Variants in VPS13B observed in about 807,000 individuals in gnomAD.
The protein encoded by VPS13B is intermembrane lipid transfer protein VPS13B.
VPS13B carries 285 observed loss-of-function variants against 426.4 expected under a neutral mutation model. The ratio of observed to expected loss-of-function variants is 0.67; its 90% CI spans 0.61 to 0.74. The LOEUF is 0.74. VPS13B is among the 30% of genes least tolerant of loss of function. The pLI, the probability that VPS13B is intolerant of heterozygous loss-of-function variation, is 0.00. For synonymous variants in VPS13B, 1,676 were observed against 1,676.4 expected (o/e 1.00, Z 0.01); for missense variants, 4,537 against 4,782.6 (o/e 0.95, Z 1.51).
chr8:99,377,919 G>A (rs1813577231), intron 19 of VPS13B, among the ~76,000 whole-genome samples: 1 of 152,192 alleles, frequency 6.6e-6, no homozygotes, highest in African/African-American at 2.4e-5. Context: ...GGTGAAACTA[G>A]AATTACTAAT....
chr8:99,651,412 A>C (rs1035216630), intron 34 of VPS13B, among the ~76,000 whole-genome samples: 3 of 152,236 alleles, frequency 2.0e-5, no homozygotes, highest in Admixed American at 1.3e-4. Context: ...TTTTTAATGA[A>C]TATTAATATT....
intron 19 of VPS13B, among the ~76,000 whole-genome samples, chr8:99,344,663 C>T (rs1811438555): frequency 6.6e-6 from 1 of 152,060 alleles, no homozygotes; most frequent in African/African-American, 2.4e-5. Context: ...TTTTGCCCTT[C>T]CCTGGTTATT....
chr8:99,013,400 A>G, intron 1 of VPS13B, 53 bp downstream of exon 1: 1 of 328,574 alleles, frequency 3.0e-6, no homozygotes, highest in East Asian at 8.0e-5. Flanking sequence ...GAGGTCTTCT[A>G]GCTTTGGTTC....
At chr8:99,727,456 AG>A (rs1294253666) in intron 39 of VPS13B, among the ~76,000 whole-genome samples, 1 of 152,200 alleles carries the variant, frequency 6.6e-6, no homozygotes, top group Non-Finnish European at 1.5e-5. Context: ...CAAAAGAAAG[AG>A]GTTTATTGGA....
intron 27 of VPS13B, among the ~76,000 whole-genome samples, chr8:99,504,872 T>A (rs1036016099): frequency 6.6e-6 from 1 of 152,208 alleles, no homozygotes; most frequent in Non-Finnish European, 1.5e-5. Context: ...TGAGATGGCA[T>A]CTTCTTCCAA....
intron 17 of VPS13B, among the ~76,000 whole-genome samples, chr8:99,270,131 C>CTTGTTTTTTTTTT (rs1818502967): frequency 3.3e-5 from 1 of 30,312 alleles, no homozygotes; most frequent in African/African-American, 1.1e-4. Context: ...ATATAAGAAT[C>CTTGTTTTTTTTTT]TTTTTTTTTT....
At chr8:99,167,315 C>A (rs1199321830) in intron 15 of VPS13B, among the ~76,000 whole-genome samples, 1 of 151,778 alleles carries the variant, frequency 6.6e-6, no homozygotes, top group East Asian at 1.9e-4. Context: ...GCATACATAC[C>A]AACTTTTAAA....
chr8:99,391,786 C>T (rs1814462160), intron 21 of VPS13B, 82 bp downstream of exon 21: 1 of 1,529,144 alleles, frequency 6.5e-7, no homozygotes. Context: ...TTCATGGATG[C>T]TGGCCAAAGA....
intron 39 of VPS13B, among the ~76,000 whole-genome samples, chr8:99,752,348 A>G (rs1810437818): frequency 6.6e-6 from 1 of 152,216 alleles, no homozygotes; most frequent in South Asian, 2.1e-4. Flanking sequence ...TTTTCATCTA[A>G]TCAAGGGATC....
At chr8:99,322,506 A>G (rs1027820665) in intron 19 of VPS13B, among the ~76,000 whole-genome samples, 9 of 152,322 alleles carry the variant, frequency 5.9e-5, no homozygotes, top group Middle Eastern at 3.4e-3. Flanking sequence ...AGAATAAGGG[A>G]GGAAAATAAA....
chr8:99,048,533 G>A (rs910877564), intron 3 of VPS13B, among the ~76,000 whole-genome samples: 1 of 152,058 alleles, frequency 6.6e-6, no homozygotes, highest in Non-Finnish European at 1.5e-5. Context: ...GGGAGCTCTA[G>A]GCTGGGTGAG....
At position 99,727,487 on chromosome 8, in the gene VPS13B, G is replaced by A. The variant is rs181382488; in HGVS notation, c.7050+6440G>A. ...ATTGGACTTACAGTTCCACATGGCTGGGGAGGCCTCAATATCATGGCAGAA... is the reference window on the plus strand; with the variant it reads ...ATTGGACTTACAGTTCCACATGGCTAGGGAGGCCTCAATATCATGGCAGAA... On this transcript the variant is annotated intron_variant, in intron 39 of 61. Transcript: ENST00000357162. Among the ~76,000 whole-genome samples, 7 of 152,310 alleles carry A rather than the reference G, an allele frequency of 4.6e-5. No individual in the cohort carries two copies. The East Asian group carries it at 7.7e-4, about 17-fold the overall frequency.
In VPS13B at chr8:99,115,611, C is replaced by A. The variant is rs138515744; in HGVS notation, c.763-89C>A. 0.02 allele frequency: 24,931 copies of A among 1,242,518 alleles called. 325 individuals carry two copies. The highest frequency in any genetic ancestry group is 0.025 in the Non-Finnish European group (21,725 of 879,030). 77.0% of individuals were successfully genotyped at this position (1,242,518 alleles called of 1,614,324 possible). A position where few individuals can be genotyped will look rare whatever the true frequency, so the allele number is the denominator to read the frequency against. ...TTTGGAGCATTTCTTTTATGTTATG[C>A]CATTTAAAGACTTTAAAACATTTCT... On this transcript the variant is annotated intron_variant, in intron 6 of 61. Transcript: ENST00000357162.
At chr8:99,582,713 T>A (rs1381433718) in intron 33 of VPS13B, among the ~76,000 whole-genome samples, 1 of 152,142 alleles carries the variant, frequency 6.6e-6, no homozygotes, top group African/African-American at 2.4e-5. Flanking sequence ...AGGAGTGCAG[T>A]GGCGCAATCT....
At chr8:99,051,286 A>T (rs1843537407) in intron 3 of VPS13B, among the ~76,000 whole-genome samples, 1 of 152,186 alleles carries the variant, frequency 6.6e-6, no homozygotes, top group Non-Finnish European at 1.5e-5. Context: ...TTAAATAGGG[A>T]ATCGTTTCCC....
intron 3 of VPS13B, among the ~76,000 whole-genome samples, chr8:99,071,425 T>G (rs1485539027): frequency 6.6e-6 from 1 of 152,174 alleles, no homozygotes; most frequent in Non-Finnish European, 1.5e-5. Context: ...GAGAATACCC[T>G]GGATTACTGA....
At chr8:99,065,889 A>C (rs939323023) in intron 3 of VPS13B, among the ~76,000 whole-genome samples, 1 of 152,166 alleles carries the variant, frequency 6.6e-6, no homozygotes, top group Admixed American at 6.5e-5. Context: ...TCATGAGTGA[A>C]CTCCCATTCA....
chr8:99,284,066 T>C (rs1019628451), intron 19 of VPS13B, among the ~76,000 whole-genome samples: 1 of 152,190 alleles, frequency 6.6e-6, no homozygotes, highest in African/African-American at 2.4e-5. Flanking sequence ...AAATATCTTA[T>C]TGTAAAAACA....
At chr8:99,506,208 G>A (rs1821490024) in intron 27 of VPS13B, among the ~76,000 whole-genome samples, 1 of 152,052 alleles carries the variant, frequency 6.6e-6, no homozygotes, top group African/African-American at 2.4e-5. Flanking sequence ...GCACTTTGAT[G>A]ACTCTCATCT....
Sources: gnomAD v4.1 joint callset for allele counts (sites outside exome capture counted in the v4.1 genomes callset) on GRCh38, gnomAD v4.1.1 for gene constraint, MANE v1.5 for transcripts, NCBI Gene and HGNC (gene_info 2026-07-23, HGNC 2026-07-21) for gene names.